The following DAB1 variants were observed in gnomAD, a reference collection of about 807,000 sequenced individuals.
DAB1 encodes DAB adaptor protein 1.
DAB1 carries 15 observed loss-of-function variants against 64.6 expected under a neutral mutation model. That is an observed-to-expected ratio of 0.23 (90% CI 0.16 to 0.36). The LOEUF (loss-of-function observed/expected upper bound fraction) is 0.36, where lower values mean the gene tolerates loss of function less well. Among genes scored for constraint, DAB1 ranks in the 10% least tolerant of loss-of-function variants. The probability of loss-of-function intolerance (pLI) is 1.00; values close to 1 mark genes in which losing one functional copy is unlikely to be tolerated. For synonymous variants in DAB1, 235 were observed against 251.9 expected (o/e 0.93, Z 0.64); for missense variants, 596 against 706.7 (o/e 0.84, Z 1.78).
chr1:57,252,979 T>A (rs1669466263), intron 2 of DAB1, among the ~76,000 whole-genome samples: 3 of 152,184 alleles, frequency 2.0e-5, no homozygotes, highest in Admixed American at 1.3e-4. Flanking sequence ...AGGCCAGCAG[T>A]CCATACAACG....
chr1:58,135,281 A>C (rs1653878545), intron 5 of DAB1, among the ~76,000 whole-genome samples: 1 of 152,100 alleles, frequency 6.6e-6, no homozygotes, highest in South Asian at 2.1e-4. Flanking sequence ...CCTCCTTCTG[A>C]GAGGTGTCTA....
At chr1:57,344,940 A>T (rs1258494631) in intron 1 of DAB1, among the ~76,000 whole-genome samples, 4 of 152,182 alleles carry the variant, frequency 2.6e-5, no homozygotes, top group African/African-American at 9.6e-5. Flanking sequence ...ATCAGAAGCC[A>T]GTCAACATTG....
rs115498357 is a variant in DAB1, at chr1:57,588,501, C to T, written n.625+61091G>A. Among the ~76,000 whole-genome samples, 605 of 152,150 alleles carry T rather than the reference C, an allele frequency of 4.0e-3. 4 individuals are homozygous for T. The highest frequency in any genetic ancestry group is 0.01 in the Admixed American group (159 of 15,288). On this transcript the variant is annotated intron_variant and non_coding_transcript_variant, in intron 7 of 20. Coordinates refer to the DAB1 transcript ENST00000485760. ...TACCAGAGAATTAAAATCCTGAATA[C>T]CAAGAAGGTTAAAGTCTTATCATCA...
At chr1:57,952,501 C>A (rs549563546) in intron 5 of DAB1, among the ~76,000 whole-genome samples, 3 of 151,978 alleles carry the variant, frequency 2.0e-5, no homozygotes, top group Non-Finnish European at 4.4e-5. Flanking sequence ...TGAAAATGAG[C>A]CTAACACATG....
chr1:58,000,317 G>GA (rs897159408), intron 5 of DAB1, among the ~76,000 whole-genome samples: 3 of 152,318 alleles, frequency 2.0e-5, no homozygotes, highest in Admixed American at 6.5e-5. Flanking sequence ...TTTGGAACCA[G>GA]AAAGAAAATA....
intron 3 of DAB1, among the ~76,000 whole-genome samples, chr1:58,427,368 T>A (rs1644831640): frequency 6.6e-6 from 1 of 152,062 alleles, no homozygotes; most frequent in African/African-American, 2.4e-5. Flanking sequence ...ACAGTGTTGA[T>A]CTTAAGAGTT....
At chr1:57,818,342 C>T (rs533262911) in intron 6 of DAB1, among the ~76,000 whole-genome samples, 4 of 152,310 alleles carry the variant, frequency 2.6e-5, no homozygotes, top group South Asian at 2.1e-4. Context: ...ACACTTCTAA[C>T]GCCCCATGTC....
At chr1:58,375,741 A>C (rs1644318099) in intron 3 of DAB1, among the ~76,000 whole-genome samples, 1 of 142,588 alleles carries the variant, frequency 7.0e-6, no homozygotes, top group South Asian at 2.3e-4. Flanking sequence ...TGATTGGAAT[A>C]GTTTCAGAAG....
chr1:57,236,546 G>A (rs1463774328), intron 2 of DAB1, among the ~76,000 whole-genome samples: 3 of 152,148 alleles, frequency 2.0e-5, no homozygotes, highest in African/African-American at 7.2e-5. Flanking sequence ...ACTGAAAAAT[G>A]GTGAATTCAG....
intron 2 of DAB1, among the ~76,000 whole-genome samples, chr1:57,159,466 A>C (rs1395648445): frequency 6.6e-6 from 1 of 152,214 alleles, no homozygotes; most frequent in African/African-American, 2.4e-5. Context: ...GCCAGGCCCT[A>C]CAATCTCCCC....
chr1:58,066,591 G>A (rs1328149478), intron 5 of DAB1, among the ~76,000 whole-genome samples: 1 of 152,106 alleles, frequency 6.6e-6, no homozygotes, highest in Non-Finnish European at 1.5e-5. Flanking sequence ...AAGAAACTGA[G>A]GCACAAAAAG....
At chr1:57,901,736 T>C (rs1350585846) in intron 5 of DAB1, among the ~76,000 whole-genome samples, 1 of 152,074 alleles carries the variant, frequency 6.6e-6, no homozygotes, top group Non-Finnish European at 1.5e-5. Context: ...GCTTGTTAGT[T>C]CAGGCACTGC....
intron 4 of DAB1, among the ~76,000 whole-genome samples, chr1:58,285,156 A>T (rs1019336110): frequency 4.6e-5 from 7 of 152,332 alleles, no homozygotes; most frequent in African/African-American, 1.2e-4. Flanking sequence ...AACATATCTC[A>T]AAATAGTAAG....
intron 1 of DAB1, among the ~76,000 whole-genome samples, chr1:57,415,246 A>AACACACACACAC (rs111517848): frequency 1.3e-4 from 18 of 143,326 alleles, no homozygotes; most frequent in African/African-American, 3.6e-4. Flanking sequence ...TACCTCACAC[A>AACACACACACAC]ACACACACAC....
At chr1:57,394,780 G>C (rs1377507695) in intron 1 of DAB1, among the ~76,000 whole-genome samples, 1 of 152,158 alleles carries the variant, frequency 6.6e-6, no homozygotes, top group African/African-American at 2.4e-5. Context: ...ACTGTGCATT[G>C]AGAATCTCCT....
At chr1:58,206,313 C>G (rs140641400) in intron 4 of DAB1, among the ~76,000 whole-genome samples, 37 of 152,304 alleles carry the variant, frequency 2.4e-4, no homozygotes, top group African/African-American at 8.9e-4. Context: ...ATGCATTTAT[C>G]TCAGTGAGCA....
chr1:57,567,649 C>A (rs925736558), intron 7 of DAB1, among the ~76,000 whole-genome samples: 1 of 152,056 alleles, frequency 6.6e-6, no homozygotes, highest in Non-Finnish European at 1.5e-5. Flanking sequence ...AAACAGAGAG[C>A]CAAATCATGA....
chr1:57,009,886 T>TA (rs1414870548), intron 14 of DAB1, among the ~76,000 whole-genome samples: 2 of 152,214 alleles, frequency 1.3e-5, no homozygotes, highest in African/African-American at 4.8e-5. Context: ...TCTCTCAAAG[T>TA]AGCTGCTGAT....
At chr1:58,214,093 C>T (rs1329792398) in intron 4 of DAB1, among the ~76,000 whole-genome samples, 1 of 152,144 alleles carries the variant, frequency 6.6e-6, no homozygotes, top group African/African-American at 2.4e-5. Flanking sequence ...GATCTTCATC[C>T]ACCTGCTCCT....
Sources: allele counts gnomAD v4.1 joint callset (sites outside exome capture counted in the v4.1 genomes callset), GRCh38; gene constraint gnomAD v4.1.1; transcripts MANE v1.5; gene names NCBI Gene and HGNC (gene_info 2026-07-23, HGNC 2026-07-21).